The following CLSTN1 variants were observed in gnomAD, a reference collection of about 807,000 sequenced individuals.
CLSTN1 encodes calsyntenin 1, also known as calsyntenin-1.
CLSTN1 carries 28 observed loss-of-function variants against 108.3 expected under a neutral mutation model. The observed-to-expected ratio is 0.26, with a 90% CI of 0.19 to 0.35. The LOEUF (loss-of-function observed/expected upper bound fraction) is 0.35. Among genes scored for constraint, CLSTN1 ranks in the 10% least tolerant of loss-of-function variants. The probability of loss-of-function intolerance (pLI) is 1.00; values close to 1 mark genes in which losing one functional copy is unlikely to be tolerated. For synonymous variants in CLSTN1, 524 were observed against 534.9 expected, an observed-to-expected ratio of 0.98 and a Z score of 0.28; for missense variants, 1,157 against 1,302.6, an observed-to-expected ratio of 0.89 and a Z score of 1.72.
intron 2 of CLSTN1, among the ~76,000 whole-genome samples, chr1:9,760,423 C>T (rs564337408): frequency 9.2e-5 from 14 of 152,254 alleles, no homozygotes; most frequent in African/African-American, 3.1e-4. Context: ...TCAGCCAGTA[C>T]GCCTACCTCA....
chr1:9,773,386 G>A lies in CLSTN1; in HGVS notation c.100C>T (p.His34Tyr), dbSNP rs1386679578. The A allele has an allele frequency of 5.6e-6, 9 of 1,610,364 alleles. No homozygotes were observed. In the Admixed American group the frequency reaches 1.4e-4, roughly 24 times the overall value. Reference protein sequence around the residue: ...GGVWAARVNKHKPWLEPTYHG... With the variant: ...GGVWAARVNKYKPWLEPTYHG... Reference sequence around the variant, plus strand: ...TAGGTGGGCTCCAGCCAGGGCTTGTGCTTGTTAACTGTGTTTAAAACAAGA... The same window carrying A: ...TAGGTGGGCTCCAGCCAGGGCTTGTACTTGTTAACTGTGTTTAAAACAAGA... The change falls in exon 2 of 19, where the codon CAC becomes TAC. Residue 34 changes from histidine to tyrosine, a missense_variant. Coordinates refer to ENST00000377298, the MANE Select transcript of CLSTN1 (RefSeq NM_001009566.3).
intron 2 of CLSTN1, among the ~76,000 whole-genome samples, chr1:9,765,340 C>T (rs552542693): frequency 5.3e-5 from 8 of 151,924 alleles, no homozygotes; most frequent in Admixed American, 1.3e-4. Flanking sequence ...GCTGAGATCG[C>T]GTCATTGCAC....
chr1:9,773,494 T>A, intron 1 of CLSTN1, 100 bp from the exon 2 acceptor site: 1 of 1,287,440 alleles, frequency 7.8e-7, no homozygotes, highest in Non-Finnish European at 1.0e-6. Context: ...ATAATAAAAC[T>A]CTCATTAGGC....
intron 9 of CLSTN1, among the ~76,000 whole-genome samples, chr1:9,741,536 C>A (rs1055355794): frequency 6.6e-6 from 1 of 152,172 alleles, no homozygotes; most frequent in Non-Finnish European, 1.5e-5. Context: ...CCAGGAAGTT[C>A]CTGTATGGGC....
At chr1:9,819,939 G>A (rs1011540339) in intron 1 of CLSTN1, among the ~76,000 whole-genome samples, 5 of 151,970 alleles carry the variant, frequency 3.3e-5, no homozygotes, top group African/African-American at 1.2e-4. Context: ...GACTAACAGG[G>A]GTAGCCACAG....
intron 10 of CLSTN1, among the ~76,000 whole-genome samples, chr1:9,740,210 C>T (rs1000686672): frequency 1.3e-5 from 2 of 152,066 alleles, no homozygotes; most frequent in Non-Finnish European, 2.9e-5. Flanking sequence ...CAGGCACATG[C>T]CAACATGCAT....
rs1655285431 is a variant in CLSTN1 at position 9,823,762 on chromosome 1, G to A, written c.-29C>T. On this transcript the variant is annotated 5_prime_UTR_variant, in exon 1 of 19. Transcript: ENST00000377298. This position sits in a 1 kb window ranked among gnomAD's most constrained non-coding sequence, Gnocchi z 6.3. The stretch of plus-strand genomic sequence containing the variant: ...CAGCCCGGGGCGGGAGCGGCAGGGA[G>A]GCGCGCGGGACGCCGAGCGGAGCTC... The A allele has an allele frequency of 1.2e-5, 12 of 1,011,822 alleles. No homozygotes were observed. The highest frequency in any genetic ancestry group is 1.3e-5 in the Non-Finnish European group (11 of 844,152). 62.7% of individuals were successfully genotyped at this position (1,011,822 alleles called of 1,614,324 possible). A position where few individuals can be genotyped will look rare whatever the true frequency, so the allele number is the denominator to read the frequency against.
chr1:9,770,646 T>C (rs942840610), intron 2 of CLSTN1, among the ~76,000 whole-genome samples: 12 of 152,250 alleles, frequency 7.9e-5, no homozygotes, highest in Non-Finnish European at 1.3e-4. Flanking sequence ...CAAATTTATA[T>C]TTGTACAGTA....
chr1:9,786,253 T>G (rs918313807), intron 1 of CLSTN1, among the ~76,000 whole-genome samples: 1 of 152,142 alleles, frequency 6.6e-6, no homozygotes, highest in African/African-American at 2.4e-5. Context: ...CAATTGAGTT[T>G]TTTAATAGTA....
At chr1:9,795,407 C>T (rs1454846290) in intron 1 of CLSTN1, among the ~76,000 whole-genome samples, 1 of 151,188 alleles carries the variant, frequency 6.6e-6, no homozygotes, top group Non-Finnish European at 1.5e-5. Flanking sequence ...CTCAGGTGAT[C>T]TGCCCGCCTC....
At chr1:9,821,092 C>A (rs1476503093) in intron 1 of CLSTN1, among the ~76,000 whole-genome samples, 2 of 152,202 alleles carry the variant, frequency 1.3e-5, no homozygotes, top group Non-Finnish European at 2.9e-5. Context: ...AAGGACATGA[C>A]CGTCCAGGGC....
Position 9,759,824 on chromosome 1 carries a change from A to G in CLSTN1, c.215-3314T>C, listed in dbSNP as rs1350157340. 3.3e-5 allele frequency among the ~76,000 whole-genome samples: 5 copies of G among 152,318 alleles called. No individual in the cohort carries two copies. In the East Asian group the frequency reaches 9.6e-4, roughly 29 times the overall value. On this transcript the variant is annotated intron_variant, in intron 2 of 18. Coordinates refer to ENST00000377298, the MANE Select transcript of CLSTN1 (RefSeq NM_001009566.3). ...AACTGCCTGGTATCAGATGTGTCCA[A>G]ATGTTTTCCAGGATGTGCTAACTCA...
chr1:9,778,048 C>T (rs1295028255), intron 1 of CLSTN1, among the ~76,000 whole-genome samples: 1 of 152,016 alleles, frequency 6.6e-6, no homozygotes, highest in Non-Finnish European at 1.5e-5. Flanking sequence ...TCCAAAGGGC[C>T]CGCGACCTCA....
At chr1:9,780,225 AT>A (rs35274953) in intron 1 of CLSTN1, among the ~76,000 whole-genome samples, 26,209 of 152,138 alleles carry the variant, frequency 0.17, 3,471 homozygotes, top group African/African-American at 0.35. Flanking sequence ...TTCGATTCCA[AT>A]TTGGCTTCAT....
At chr1:9,821,401 G>A (rs1415627550) in intron 1 of CLSTN1, among the ~76,000 whole-genome samples, 4 of 152,188 alleles carry the variant, frequency 2.6e-5, no homozygotes, top group African/African-American at 9.7e-5. Flanking sequence ...CCAAAGTGCT[G>A]GGATTACAGG....
At chr1:9,753,682 G>C (rs1031344110) in intron 4 of CLSTN1, among the ~76,000 whole-genome samples, 12 of 151,824 alleles carry the variant, frequency 7.9e-5, no homozygotes, top group Non-Finnish European at 2.9e-5. Context: ...GTAGAGACAG[G>C]GTTTCTCCAT....
chr1:9,731,427 C>A (rs200550572), intron 17 of CLSTN1, 37 bp from the exon 18 acceptor site: 4 of 1,605,564 alleles, frequency 2.5e-6, no homozygotes, highest in South Asian at 1.1e-5. Context: ...CGAGGTCACT[C>A]GGCCCAGAAG....
intron 1 of CLSTN1, among the ~76,000 whole-genome samples, chr1:9,809,276 C>T (rs1006982199): frequency 6.6e-6 from 1 of 152,194 alleles, no homozygotes; most frequent in Non-Finnish European, 1.5e-5. Flanking sequence ...CTGAAGCGCC[C>T]GCCCAAATGC....
rs1650521200 is a variant in CLSTN1 at position 9,733,561 on chromosome 1, A to AG, written c.2282-16dup. On this transcript the variant is annotated splice_polypyrimidine_tract_variant and intron_variant, in intron 15 of 18. Coordinates refer to ENST00000377298, the MANE Select transcript of CLSTN1 (RefSeq NM_001009566.3). ...GGTGTCCACGCCTGCAGGGGTTGAA[A>AG]GGGGGAAGATTGCCGGGTGGCTTAG... 6.2e-7 allele frequency: 1 copy of AG among 1,613,436 alleles called. No individual in the cohort carries two copies. Among genetic ancestry groups the AG allele is most frequent in the Non-Finnish European group, 8.5e-7 (1 of 1,179,842 alleles).
Sources: allele counts gnomAD v4.1 joint callset (sites outside exome capture counted in the v4.1 genomes callset), GRCh38; gene constraint gnomAD v4.1.1; non-coding constraint Gnocchi (gnomAD v3.1); transcripts MANE v1.5; gene names NCBI Gene and HGNC (gene_info 2026-07-23, HGNC 2026-07-21).